Variants in HHIP observed in about 807,000 individuals in gnomAD.
HHIP encodes hedgehog-interacting protein.
Under a neutral mutation model 74.0 loss-of-function variants are expected in HHIP, and 12 were observed. The observed-to-expected ratio is 0.16, with a 90% CI of 0.10 to 0.26. The LOEUF (loss-of-function observed/expected upper bound fraction) is 0.26. HHIP is among the 10% of genes least tolerant of loss of function. HHIP has a pLI of 1.00. For missense variants in HHIP, 788 were observed against 845.0 expected (o/e 0.93, Z 0.84); for synonymous variants, 309 against 311.6 (o/e 0.99, Z 0.09).
intron 4 of HHIP, among the ~76,000 whole-genome samples, chr4:144,690,194 TCTA>T (rs1422874090): frequency 3.3e-5 from 5 of 152,146 alleles, no homozygotes; most frequent in African/African-American, 1.2e-4. Flanking sequence ...GGTCTTAGAG[TCTA>T]CTATTAACCC....
intron 4 of HHIP, among the ~76,000 whole-genome samples, chr4:144,697,795 G>A (rs559587085): frequency 7.6e-4 from 115 of 151,900 alleles, no homozygotes; most frequent in African/African-American, 2.6e-3. Flanking sequence ...CTCATAGATG[G>A]AAATGTCAAA....
intron 1 of HHIP, 139 bp from the exon 2 acceptor site, chr4:144,652,466 T>G (rs1560692465): frequency 3.2e-6 from 2 of 616,256 alleles, no homozygotes; most frequent in Non-Finnish European, 5.7e-6. Context: ...CATTCTGTAT[T>G]GTGACACAGT....
At chr4:144,719,769 T>A (rs1308814099) in intron 11 of HHIP, among the ~76,000 whole-genome samples, 1 of 152,222 alleles carries the variant, frequency 6.6e-6, no homozygotes, top group Non-Finnish European at 1.5e-5. Context: ...CACTAGGACT[T>A]GTTACTCTTT....
At chr4:144,688,754 T>C (rs1729553339) in intron 4 of HHIP, among the ~76,000 whole-genome samples, 1 of 152,176 alleles carries the variant, frequency 6.6e-6, no homozygotes, top group African/African-American at 2.4e-5. Context: ...AGGAAATCCA[T>C]CATCTAAGAA....
Position 144,658,795 on chromosome 4 carries a change from C to T in HHIP, c.478C>T (p.Leu160Phe). The T allele has an allele frequency of 1.2e-6, 2 of 1,608,372 alleles. No homozygotes were observed. Among genetic ancestry groups the T allele is most frequent in the African/African-American group, 1.3e-5 (1 of 74,686 alleles). The change falls in exon 3 of 13, where the codon CTT (leucine) becomes TTT (phenylalanine). Residue 160 changes from leucine (L) to phenylalanine (F), a missense_variant. Physicochemically the swap from Leu to Phe is conservative, Grantham distance 22. Around this residue, in one of 3 missense-constraint regions of HHIP, gnomAD observed 373 missense variants for 366.4 expected, o/e 1.02. Transcript: ENST00000296575. Reference protein sequence around the residue: ...YTCRGHIPGFLQTTADEFCFY... With the variant: ...YTCRGHIPGFFQTTADEFCFY... ...TCTTTTTATATTTTTTAAAGGTTTC[C>T]TTCAAACAACTGCGGATGAGTTTTG...
chr4:144,724,545 T>G (rs1209274587), intron 11 of HHIP, among the ~76,000 whole-genome samples: 1 of 151,296 alleles, frequency 6.6e-6, no homozygotes, highest in East Asian at 1.9e-4. Flanking sequence ...TACAACATGA[T>G]GTTTTGATAA....
chr4:144,685,203 T>C, intron 4 of HHIP, among the ~76,000 whole-genome samples: 1 of 152,220 alleles, frequency 6.6e-6, no homozygotes, highest in Middle Eastern at 3.2e-3. Flanking sequence ...TAGAATTTTC[T>C]CCTCTGTTCA....
chr4:144,664,131 T>C (rs1025782894), intron 4 of HHIP, among the ~76,000 whole-genome samples: 7 of 152,238 alleles, frequency 4.6e-5, no homozygotes, highest in Non-Finnish European at 7.3e-5. Flanking sequence ...GGAACAAGTG[T>C]CACTGGACTC....
At chr4:144,664,014 C>T (rs1728787757) in intron 4 of HHIP, among the ~76,000 whole-genome samples, 1 of 152,220 alleles carries the variant, frequency 6.6e-6, no homozygotes, top group Non-Finnish European at 1.5e-5. Flanking sequence ...ACACCATTCT[C>T]CGCCACTTAG....
In HHIP at chr4:144,723,961, T is replaced by G. The variant is rs187635478; in HGVS notation, c.1760+5005T>G. Among the ~76,000 whole-genome samples, 7 of 152,350 alleles carry G rather than the reference T, an allele frequency of 4.6e-5. No homozygotes were observed. The East Asian group carries it at 1.3e-3, about 29-fold the overall frequency. ...ATGTATCTGCCTGACTATATTTTAT[T>G]ATCAGTATACTAGATTTCCTGTTGT... is the stretch of plus-strand genomic sequence containing the variant. On this transcript the variant is annotated intron_variant, in intron 11 of 12. Transcript: ENST00000296575.
chr4:144,711,340 T>A (rs2126659923), intron 7 of HHIP, among the ~76,000 whole-genome samples: 1 of 152,320 alleles, frequency 6.6e-6, no homozygotes, highest in South Asian at 2.1e-4. Flanking sequence ...TATGTTATTT[T>A]ACCTTAAGTT....
At chr4:144,649,055 G>T (rs1728348755) in intron 1 of HHIP, among the ~76,000 whole-genome samples, 1 of 152,082 alleles carries the variant, frequency 6.6e-6, no homozygotes, top group African/African-American at 2.4e-5. Flanking sequence ...ATGCATTCTT[G>T]ACCTATGTTA....
rs1468942878 is a variant in HHIP at position 144,742,296 on chromosome 4, T to A, written c.*4339T>A. ...TTCTCAAATTCTATATAACAAATAA[T>A]AGTGGATAGTAAACAAATGACATAC... On this transcript the variant is annotated 3_prime_UTR_variant, in exon 13 of 13. Coordinates refer to ENST00000296575, the MANE Select transcript of HHIP (RefSeq NM_022475.3). The A allele has an allele frequency of 6.6e-6, 1 of 152,124 alleles. No homozygotes were observed. The highest frequency in any genetic ancestry group is 6.6e-5 in the Admixed American group (1 of 15,252). The allele number at this position is 152,124 out of a possible 1,614,324, so 9.4% of individuals were successfully genotyped here.
chr4:144,712,399 T>C (rs1164117337), intron 8 of HHIP, among the ~76,000 whole-genome samples: 2 of 152,186 alleles, frequency 1.3e-5, no homozygotes, highest in Non-Finnish European at 2.9e-5. Flanking sequence ...GAGAGCAGCT[T>C]GTCTTAACAT....
chr4:144,726,144 T>A (rs1425385562), intron 11 of HHIP, among the ~76,000 whole-genome samples: 1 of 152,196 alleles, frequency 6.6e-6, no homozygotes, highest in Non-Finnish European at 1.5e-5. Context: ...ATTAAAAACT[T>A]GATTTTGGAC....
At chr4:144,660,191 T>G (rs1267951687) in intron 4 of HHIP, 1 of 328,872 alleles carries the variant, frequency 3.0e-6, no homozygotes, top group Non-Finnish European at 5.5e-6. Flanking sequence ...AAAGAGGTCT[T>G]TTGGTTATTT....
chr4:144,724,597 C>T (rs928789415), intron 11 of HHIP, among the ~76,000 whole-genome samples: 5 of 149,752 alleles, frequency 3.3e-5, no homozygotes, highest in East Asian at 3.9e-4. Flanking sequence ...GCATATCCAT[C>T]GCCTTACCTA....
At chr4:144,661,668 T>C (rs13145247) in intron 4 of HHIP, among the ~76,000 whole-genome samples, 85,648 of 151,936 alleles carry the variant, frequency 0.56, 24,496 homozygotes, top group South Asian at 0.73. Context: ...GATACCACCA[T>C]ATTTATGAGT....
In HHIP at chr4:144,711,960, G is replaced by T. The variant is rs1454234274; in HGVS notation, c.1312G>T (p.Asp438Tyr). Residue 438 changes from aspartate to tyrosine, a missense_variant, in exon 8 of 13, where the codon GAT becomes TAT. Around this residue, in one of 3 missense-constraint regions of HHIP, gnomAD observed 343 missense variants for 347.9 expected, o/e 0.99. Coordinates refer to ENST00000296575, the MANE Select transcript of HHIP (RefSeq NM_022475.3). ...CCTCTTGTTATGCAGATGTGCTGTGGATAGACATCCCACTGATATAAACAT... is the reference window on the plus strand; with the variant it reads ...CCTCTTGTTATGCAGATGTGCTGTGTATAGACATCCCACTGATATAAACAT... Reference protein sequence around the residue: ...GLHDPGRCAVDRHPTDININL... With the variant: ...GLHDPGRCAVYRHPTDININL... 1 of 1,612,160 alleles carries T rather than the reference G, an allele frequency of 6.2e-7. No homozygotes were observed.
Sources: gnomAD v4.1 joint callset for allele counts (sites outside exome capture counted in the v4.1 genomes callset) on GRCh38, gnomAD v4.1.1 for gene constraint, gnomAD v4.1.1 regional missense constraint, MANE v1.5 for transcripts, NCBI Gene and HGNC (gene_info 2026-07-23, HGNC 2026-07-21) for gene names.